TNXB: variants seen among roughly 807,000 people sequenced by gnomAD.
The protein encoded by TNXB is tenascin XB.
A neutral mutation model predicts 340.5 loss-of-function variants in TNXB; 183 were observed. That is an observed-to-expected ratio of 0.54 (90% CI 0.48 to 0.61). TNXB has a LOEUF of 0.61. Ranked by LOEUF, TNXB falls within the 20% of genes least tolerant of loss-of-function variation. TNXB has a pLI of 0.00. For missense variants in TNXB, 4,613 were observed against 5,446.4 expected (o/e 0.85, Z 4.82); for synonymous variants, 2,121 against 2,314.5 (o/e 0.92, Z 2.40).
intron 11 of TNXB, 129 bp downstream of exon 11, chr6:32,078,904 T>A (rs1486940672): frequency 1.0e-6 from 1 of 1,004,366 alleles, no homozygotes; most frequent in African/African-American, 1.6e-5. Flanking sequence ...CCCAGTGACA[T>A]GCTCTTTCTA....
intron 26 of TNXB, 52 bp from the exon 27 acceptor site, chr6:32,050,373 T>C: frequency 6.3e-7 from 1 of 1,593,096 alleles, no homozygotes; most frequent in Non-Finnish European, 8.6e-7. Context: ...CAGTTCAGCA[T>C]AGAAAGGATG....
At position 32,096,596 on chromosome 6, in the gene TNXB, G is replaced by A; in HGVS notation, c.1257C>T (p.Cys419=). Residue 419 remains cysteine, a synonymous_variant, in exon 3 of 44, where the codon TGC becomes TGT. Transcript: ENST00000644971. The part of the protein sequence containing the change: ...NQRGRCEDGR[C]VCWPGYTGTD... ...TTCCAGTGTACCCCGGCCAGCACAC[G>A]CAGCGGCCGTCCTCGCAGCGGCCCC... The A allele has an allele frequency of 6.3e-7, 1 of 1,583,058 alleles. No homozygotes were observed. The highest frequency in any genetic ancestry group is 1.8e-5 in the Admixed American group (1 of 56,088).
Position 32,096,414 on chromosome 6 carries a change from C to T in TNXB, c.1439G>A (p.Arg480His). ...TGTGTACCCCGGCCAACACATGCAG[C>T]GGCCACTCTCACAGCGGCCCCGGCC... ...CRGRGRCESG[R>H]CMCWPGYTGR... Residue 480 changes from arginine to histidine, a missense_variant, in exon 3 of 44, where the codon CGC (arginine) becomes CAC (histidine). This residue lies in a region of TNXB where 4,327 missense variants were observed against 4,859.4 expected (regional missense o/e 0.89). Transcript: ENST00000644971. 2 of 1,587,226 alleles carry T rather than the reference C, an allele frequency of 1.3e-6. No individual in the cohort carries two copies. The highest frequency in any genetic ancestry group is 1.7e-6 in the Non-Finnish European group (2 of 1,174,142).
Position 32,108,334 on chromosome 6 carries a change from CGT to C in TNXB, c.-9+845_-9+846del, listed in dbSNP as rs1398047711. ...AGGGGCCCGCCCTTCCCACCCGGGG[CGT>C]GTCACGTGTACTGGTGGTGGGGGGC... On this transcript the variant is annotated intron_variant, in intron 1 of 43. Transcript: ENST00000644971. The surrounding 1 kb of genome is among the most constrained non-coding windows in gnomAD (Gnocchi z 4.8). Among the ~76,000 whole-genome samples the C allele has an allele frequency of 6.6e-6, 1 of 152,108 alleles. No individual in the cohort carries two copies. Among genetic ancestry groups the C allele is most frequent in the Non-Finnish European group, 1.5e-5 (1 of 68,004 alleles).
At position 32,046,459 on chromosome 6, in the gene TNXB, G is replaced by T; in HGVS notation, c.10325-3C>A. ...AGGTAGCTCCTTCTCCAGGGGAGCTGTGCAGAGGGAGGAGGGAAAGCTCTT... is the reference window on the plus strand; with the variant it reads ...AGGTAGCTCCTTCTCCAGGGGAGCTTTGCAGAGGGAGGAGGGAAAGCTCTT... On this transcript the variant is annotated splice_region_variant and splice_polypyrimidine_tract_variant and intron_variant, in intron 30 of 43. Transcript: ENST00000644971. This position sits in a 1 kb window ranked among gnomAD's most constrained non-coding sequence, Gnocchi z 6.9. 6.4e-7 allele frequency: 1 copy of T among 1,562,758 alleles called. No individual in the cohort carries two copies. Among genetic ancestry groups the T allele is most frequent in the East Asian group, 2.3e-5 (1 of 43,866 alleles).
chr6:32,085,312 G>A lies in TNXB; in HGVS notation c.3148+438C>T, dbSNP rs1779706242. On this transcript the variant is annotated intron_variant, in intron 7 of 43. Coordinates refer to ENST00000644971, the MANE Select transcript of TNXB (RefSeq NM_001365276.2). The surrounding 1 kb of genome is among the most constrained non-coding windows in gnomAD (Gnocchi z 6.4). ...TGGACTGCTGTCCACTGCAAACCAG[G>A]CTCCCAGGGACGAGGTATTGGGGGC... Among the ~76,000 whole-genome samples the A allele has an allele frequency of 6.6e-6, 1 of 152,154 alleles. No individual in the cohort carries two copies. The highest frequency in any genetic ancestry group is 2.4e-5 in the African/African-American group (1 of 41,430).
intron 25 of TNXB, 74 bp from the exon 26 acceptor site, chr6:32,053,067 G>C: frequency 6.7e-7 from 1 of 1,500,352 alleles, no homozygotes; most frequent in Non-Finnish European, 9.0e-7. Flanking sequence ...GAAGGAGAGC[G>C]AAGCTGTGGC....
rs1352605840 is a variant in TNXB at position 32,097,522 on chromosome 6, T to C, written c.404-73A>G. The stretch of plus-strand genomic sequence containing the variant: ...AGGCTGAGCCTATGTAGTGCTCCTA[T>C]GTGCAGGCCCCTAGCCAGGCTAGCC... On this transcript the variant is annotated intron_variant, in intron 2 of 43. Coordinates refer to ENST00000644971, the MANE Select transcript of TNXB (RefSeq NM_001365276.2). This position sits in a 1 kb window ranked among gnomAD's most constrained non-coding sequence, Gnocchi z 5.9. 3 of 1,510,620 alleles carry C rather than the reference T, an allele frequency of 2.0e-6. No homozygotes were observed. The highest frequency in any genetic ancestry group is 1.4e-5 in the African/African-American group (1 of 72,788). The allele number at this position is 1,510,620 out of a possible 1,614,324, so 93.6% of individuals were successfully genotyped here. A position where few individuals can be genotyped will look rare whatever the true frequency, so the allele number is the denominator to read the frequency against.
chr6:32,054,310 A>G (rs1486614218), intron 24 of TNXB, among the ~76,000 whole-genome samples: 2 of 152,080 alleles, frequency 1.3e-5, no homozygotes, highest in African/African-American at 4.8e-5. Context: ...CCACGGATGA[A>G]CTTCACACAG....
chr6:32,105,095 C>A (rs890103260), intron 1 of TNXB, among the ~76,000 whole-genome samples: 1 of 152,156 alleles, frequency 6.6e-6, no homozygotes, highest in African/African-American at 2.4e-5. Context: ...CACTTCACCA[C>A]CCATAACATT....
intron 24 of TNXB, among the ~76,000 whole-genome samples, chr6:32,054,344 G>A (rs1562800201): frequency 6.6e-6 from 1 of 152,158 alleles, no homozygotes; most frequent in Non-Finnish European, 1.5e-5. Context: ...GGCCATCTCA[G>A]CACAGACCTG....
At chr6:32,086,749 A>G (rs1582453546) in intron 6 of TNXB, among the ~76,000 whole-genome samples, 2 of 152,244 alleles carry the variant, frequency 1.3e-5, no homozygotes, top group African/African-American at 4.8e-5. Flanking sequence ...TCCCCAATAT[A>G]CAGTTGCTGC....
chr6:32,103,942 G>A (rs1024809352), intron 1 of TNXB, among the ~76,000 whole-genome samples: 1 of 151,968 alleles, frequency 6.6e-6, no homozygotes, highest in Non-Finnish European at 1.5e-5. Flanking sequence ...TCTTGACCAG[G>A]CTGGTCTTGA....
chr6:32,071,521 C>G (rs1389068527), intron 13 of TNXB, among the ~76,000 whole-genome samples: 1 of 151,686 alleles, frequency 6.6e-6, no homozygotes, highest in East Asian at 1.9e-4. Flanking sequence ...CAGGGGACAG[C>G]AGACCCAGGA....
rs1203434701 is a variant in TNXB, at chr6:32,042,682, C to T, written c.12058+17G>A. 8.0e-7 allele frequency: 1 copy of T among 1,254,764 alleles called. No individual in the cohort carries two copies. Among genetic ancestry groups the T allele is most frequent in the Non-Finnish European group, 1.1e-6 (1 of 905,804 alleles). 77.7% of individuals were successfully genotyped at this position (1,254,764 alleles called of 1,614,324 possible). ...TGCCCACCCAGCCCCCGGCCCCGGG[C>T]CCGTGCGTCCAGGTACCCGTGGTGA... On this transcript the variant is annotated intron_variant, in intron 39 of 43. Transcript: ENST00000644971.
intron 1 of TNXB, among the ~76,000 whole-genome samples, chr6:32,106,146 C>A (rs1780968688): frequency 6.8e-6 from 1 of 147,002 alleles, no homozygotes; most frequent in South Asian, 2.2e-4. Context: ...GGGGGGGCTT[C>A]TGGGGTGCTA....
In TNXB at chr6:32,093,557, G is replaced by A. The variant is rs1780176693; in HGVS notation, c.2358+1519C>T. 9.6e-6 allele frequency: 5 copies of A among 521,576 alleles called. No homozygotes were observed. In the South Asian group the frequency reaches 1.5e-4, roughly 16 times the overall value. The allele number at this position is 521,576 out of a possible 1,614,324, so 32.3% of individuals were successfully genotyped here. A position where few individuals can be genotyped will look rare whatever the true frequency, so the allele number is the denominator to read the frequency against. On this transcript the variant is annotated intron_variant, in intron 4 of 43. Transcript: ENST00000644971. ...AGTGCCTTCCGAGGCTTTAGGCCCA[G>A]GGAGTTGTTTATTTTTACAGAGTCC...
intron 1 of TNXB, among the ~76,000 whole-genome samples, chr6:32,104,130 A>C (rs1000117595): frequency 1.3e-5 from 2 of 152,208 alleles, no homozygotes; most frequent in African/African-American, 4.8e-5. Flanking sequence ...ACGACCAAGT[A>C]AGTGAATTTT....
intron 21 of TNXB, among the ~76,000 whole-genome samples, chr6:32,059,366 CTGAGA>C (rs1172235577): frequency 1.4e-5 from 2 of 146,200 alleles, no homozygotes; most frequent in Non-Finnish European, 3.0e-5. Flanking sequence ...TTGCAGTGAG[CTGAGA>C]TCACACCACT....
Sources: allele counts gnomAD v4.1 joint callset (sites outside exome capture counted in the v4.1 genomes callset), GRCh38; gene constraint gnomAD v4.1.1; regional missense constraint gnomAD v4.1.1; non-coding constraint Gnocchi (gnomAD v3.1); transcripts MANE v1.5; gene names NCBI Gene and HGNC (gene_info 2026-07-23, HGNC 2026-07-21).